RPGRIP1L: variants seen among roughly 807,000 people sequenced by gnomAD.
The protein encoded by RPGRIP1L is protein fantom.
In RPGRIP1L, 131 loss-of-function variants were observed where a neutral mutation model predicts 160.4. That is an observed-to-expected ratio of 0.82 (90% CI 0.71 to 0.94). The LOEUF is 0.94. Among genes scored for constraint, RPGRIP1L ranks in the 40% least tolerant of loss-of-function variants. The pLI, the probability that RPGRIP1L is intolerant of heterozygous loss-of-function variation, is 0.00. For missense variants in RPGRIP1L, 1,522 were observed against 1,535.8 expected (o/e 0.99, Z 0.15); for synonymous variants, 510 against 515.8 (o/e 0.99, Z 0.15).
At chr16:53,607,812 C>T (rs35047435) in intron 25 of RPGRIP1L, 6,003 of 197,018 alleles carry the variant, frequency 0.03, 268 homozygotes, top group Admixed American at 0.15. Context: ...AATTAAGAAA[C>T]CAGAAAGTTA....
At chr16:53,671,010 T>C (rs903269962) in intron 9 of RPGRIP1L, among the ~76,000 whole-genome samples, 1 of 152,100 alleles carries the variant, frequency 6.6e-6, no homozygotes, top group Non-Finnish European at 1.5e-5. Flanking sequence ...GGTGGGAGGA[T>C]TGTTTGAGCC....
chr16:53,672,735 G>C lies in RPGRIP1L; in HGVS notation c.1029+135C>G, dbSNP rs985435576. On this transcript the variant is annotated intron_variant, in intron 8 of 26. Coordinates refer to ENST00000647211, the MANE Select transcript of RPGRIP1L (RefSeq NM_015272.5). ...ATTCATATATTAACAACTATATTTTGCTGTGCTCAAAACACCATGTACATA... is the reference window on the plus strand; with the variant it reads ...ATTCATATATTAACAACTATATTTTCCTGTGCTCAAAACACCATGTACATA... 8.3e-6 allele frequency: 6 copies of C among 726,116 alleles called. No homozygotes were observed. The African/African-American group carries it at 1.1e-4, about 13-fold the overall frequency. The allele number at this position is 726,116 out of a possible 1,614,324, so 45.0% of individuals were successfully genotyped here.
intron 2 of RPGRIP1L, among the ~76,000 whole-genome samples, chr16:53,698,348 C>T (rs1237329286): frequency 7.0e-6 from 1 of 143,338 alleles, no homozygotes; most frequent in Non-Finnish European, 1.5e-5. Flanking sequence ...CGGCCAGCCA[C>T]CCCGTCCGGG....
chr16:53,666,311 T>C (rs1202215709), intron 9 of RPGRIP1L, among the ~76,000 whole-genome samples: 1 of 152,136 alleles, frequency 6.6e-6, no homozygotes, highest in Admixed American at 6.6e-5. Flanking sequence ...CATCTGTTTC[T>C]TCTATTAGTG....
chr16:53,697,863 G>C (rs1425880767), intron 2 of RPGRIP1L, among the ~76,000 whole-genome samples: 1 of 150,918 alleles, frequency 6.6e-6, no homozygotes, highest in Non-Finnish European at 1.5e-5. Flanking sequence ...TGGCTGCCCA[G>C]TCTGGAAAGT....
chr16:53,684,487 G>A (rs1969843533), intron 6 of RPGRIP1L, among the ~76,000 whole-genome samples: 2 of 151,532 alleles, frequency 1.3e-5, no homozygotes, highest in Admixed American at 1.3e-4. Flanking sequence ...GCAAACTATC[G>A]CAAGGACAAA....
At chr16:53,679,203 C>T (rs930137545) in intron 6 of RPGRIP1L, among the ~76,000 whole-genome samples, 1 of 152,076 alleles carries the variant, frequency 6.6e-6, no homozygotes, top group Non-Finnish European at 1.5e-5. Flanking sequence ...TTACTCTTAC[C>T]ACCCACAGGA....
intron 14 of RPGRIP1L, among the ~76,000 whole-genome samples, chr16:53,654,088 C>T (rs978378682): frequency 1.3e-5 from 2 of 152,096 alleles, no homozygotes; most frequent in Non-Finnish European, 2.9e-5. Flanking sequence ...CTCAGCCTCC[C>T]GAGTAGCTGG....
chr16:53,653,944 C>T (rs1967026654), intron 14 of RPGRIP1L, among the ~76,000 whole-genome samples: 1 of 152,200 alleles, frequency 6.6e-6, no homozygotes, highest in South Asian at 2.1e-4. Flanking sequence ...ATATTCAAAA[C>T]AGAATGTATC....
chr16:53,615,782 A>T (rs1341208449), intron 24 of RPGRIP1L, among the ~76,000 whole-genome samples: 1 of 151,554 alleles, frequency 6.6e-6, no homozygotes, highest in Non-Finnish European at 1.5e-5. Context: ...TATTTTTAGT[A>T]GAGGTGGGGT....
chr16:53,616,775 CAAAATGCACA>C (rs940345691), intron 24 of RPGRIP1L, among the ~76,000 whole-genome samples: 1 of 151,674 alleles, frequency 6.6e-6, no homozygotes, highest in African/African-American at 2.4e-5. Context: ...AAAAACAAAC[CAAAATGCACA>C]ACCAGGCTGG....
intron 9 of RPGRIP1L, among the ~76,000 whole-genome samples, chr16:53,670,359 A>G (rs1221661061): frequency 1.3e-5 from 2 of 152,238 alleles, no homozygotes; most frequent in East Asian, 3.8e-4. Context: ...ACATGACCAG[A>G]AGTAGTAGCT....
chr16:53,604,275 C>A (rs558557945), intron 26 of RPGRIP1L, among the ~76,000 whole-genome samples: 1 of 152,324 alleles, frequency 6.6e-6, no homozygotes, highest in Admixed American at 6.5e-5. Flanking sequence ...TTGACACATA[C>A]CTAGGACAAG....
chr16:53,603,191 G>A (rs1963473567), intron 26 of RPGRIP1L, among the ~76,000 whole-genome samples: 1 of 152,216 alleles, frequency 6.6e-6, no homozygotes, highest in African/African-American at 2.4e-5. Context: ...GAGCTCAGTG[G>A]TGGAAGCCAA....
chr16:53,678,854 C>T (rs914665634), intron 6 of RPGRIP1L, among the ~76,000 whole-genome samples: 1 of 152,138 alleles, frequency 6.6e-6, no homozygotes, highest in Non-Finnish European at 1.5e-5. Context: ...CAGTGGCAGA[C>T]ATTCTGTAGC....
Position 53,692,340 on chromosome 16 carries a change from T to C in RPGRIP1L, c.255A>G (p.Leu85=), listed in dbSNP as rs143189638. 15 of 1,614,150 alleles carry C rather than the reference T, an allele frequency of 9.3e-6. No individual in the cohort carries two copies. In the African/African-American group the frequency reaches 1.3e-4, roughly 14 times the overall value. ...GCTCATATCTTTTCTTGTCATTAAC[T>C]AGCCGTATTAACTTGGTGGCCATTC... is the stretch of plus-strand genomic sequence containing the variant. ...IKRMATKLIR[L]VNDKKRYERV... is the part of the protein sequence containing the mutation. The change falls in exon 4 of 27, where the codon CTA becomes CTG. Residue 85 remains leucine, a synonymous_variant. Transcript: ENST00000647211.
intron 2 of RPGRIP1L, among the ~76,000 whole-genome samples, chr16:53,696,693 A>C (rs977534671): frequency 1.3e-5 from 2 of 152,186 alleles, no homozygotes; most frequent in African/African-American, 4.8e-5. Context: ...GGTAAACATA[A>C]TATAACTAAG....
At chr16:53,680,089 A>T (rs551265904) in intron 6 of RPGRIP1L, among the ~76,000 whole-genome samples, 1 of 152,344 alleles carries the variant, frequency 6.6e-6, no homozygotes, top group South Asian at 2.1e-4. Flanking sequence ...ATATACTAGT[A>T]ACTATTATCT....
intron 21 of RPGRIP1L, among the ~76,000 whole-genome samples, 171 bp from the exon 22 acceptor site, chr16:53,636,683 G>GA (rs994226833): frequency 4.7e-5 from 7 of 150,466 alleles, no homozygotes; most frequent in South Asian, 2.1e-4. Flanking sequence ...ACATTTTAGG[G>GA]AAAAAAAAGA....
Sources: gnomAD v4.1 joint callset for allele counts (sites outside exome capture counted in the v4.1 genomes callset) on GRCh38, gnomAD v4.1.1 for gene constraint, MANE v1.5 for transcripts, NCBI Gene and HGNC (gene_info 2026-07-23, HGNC 2026-07-21) for gene names.